The following MTDH variants were observed in gnomAD, a reference collection of about 807,000 sequenced individuals.
The protein encoded by MTDH is protein LYRIC.
A neutral mutation model predicts 72.7 loss-of-function variants in MTDH; 34 were observed. That is an observed-to-expected ratio of 0.47 (90% CI 0.36 to 0.62). The LOEUF (loss-of-function observed/expected upper bound fraction) is 0.62. Among genes scored for constraint, MTDH ranks in the 20% least tolerant of loss-of-function variants. The pLI, the probability that MTDH is intolerant of heterozygous loss-of-function variation, is 0.00. For synonymous variants in MTDH, 266 were observed against 268.9 expected (o/e 0.99, Z 0.10); for missense variants, 677 against 699.4 (o/e 0.97, Z 0.36).
intron 2 of MTDH, among the ~76,000 whole-genome samples, chr8:97,670,747 C>T (rs1207768738): frequency 6.6e-6 from 1 of 152,120 alleles, no homozygotes; most frequent in Non-Finnish European, 1.5e-5. Context: ...TCTCAGGAGG[C>T]CTCTGGGAGC....
Position 97,719,154 on chromosome 8 carries a change from A to G in MTDH, c.1486A>G (p.Ser496Gly), listed in dbSNP as rs1312492052. Residue 496 changes from serine (S) to glycine (G), a missense_variant, in exon 10 of 12, where the codon AGT (serine) becomes GGT (glycine). Ser to Gly is a moderately conservative substitution (Grantham distance 56). Around this residue, in one of 3 missense-constraint regions of MTDH, gnomAD observed 201 missense variants for 204.5 expected, o/e 0.98. Transcript: ENST00000336273. ...TTTTTCCTTGAAGACCATAAGCACT[A>G]GTGATCCAGCCGAAGTACTCGTCAA... ...KAFSLKTIST[S>G]DPAEVLVKNS... The G allele has an allele frequency of 6.2e-7, 1 of 1,613,702 alleles. No homozygotes were observed. The highest frequency in any genetic ancestry group is 8.5e-7 in the Non-Finnish European group (1 of 1,179,958).
intron 8 of MTDH, among the ~76,000 whole-genome samples, chr8:97,708,649 G>C (rs1470867450): frequency 1.7e-5 from 2 of 116,250 alleles, no homozygotes; most frequent in Non-Finnish European, 3.2e-5. Flanking sequence ...TCCCAGGCTG[G>C]AGTGCAGTGG....
chr8:97,653,655 A>G (rs899608294), intron 1 of MTDH, among the ~76,000 whole-genome samples: 2 of 152,222 alleles, frequency 1.3e-5, no homozygotes, highest in African/African-American at 2.4e-5. Flanking sequence ...GTGCTTTGGC[A>G]TTACTGGTTA....
chr8:97,717,124 T>C (rs1430101804), intron 9 of MTDH, among the ~76,000 whole-genome samples: 2 of 152,214 alleles, frequency 1.3e-5, no homozygotes, highest in African/African-American at 4.8e-5. Context: ...TTCACCCACA[T>C]ACTTCCAAAG....
At chr8:97,707,408 C>T (rs147916579) in intron 8 of MTDH, among the ~76,000 whole-genome samples, 1 of 150,936 alleles carries the variant, frequency 6.6e-6, no homozygotes, top group Non-Finnish European at 1.5e-5. Flanking sequence ...CCTCAGCCCC[C>T]CAAAGTGCTG....
At chr8:97,645,018 A>T in intron 1 of MTDH, 131 bp downstream of exon 1, 1 of 1,033,650 alleles carries the variant, frequency 9.7e-7, no homozygotes, top group Non-Finnish European at 1.3e-6. Context: ...CAGCACTCCC[A>T]AGTGGAGGAG....
chr8:97,721,218 G>T lies in MTDH; in HGVS notation c.1522-1661G>T, dbSNP rs376320055. Among the ~76,000 whole-genome samples, 355 of 152,182 alleles carry T rather than the reference G, an allele frequency of 2.3e-3. 16 individuals are homozygous for T. In the South Asian group the frequency reaches 0.071, roughly 31 times the overall value. On this transcript the variant is annotated intron_variant, in intron 10 of 11. Transcript: ENST00000336273. ...GCACTTTGGGAGGTTGAGATGGGTA[G>T]ATCACTTGAGCTCAGGAGTTCAAGA... is the stretch of plus-strand genomic sequence containing the variant.
In MTDH at chr8:97,671,159, G is replaced by T. The variant is rs1004791757; in HGVS notation, c.483+9986G>T. Among the ~76,000 whole-genome samples the T allele has an allele frequency of 9.9e-5, 15 of 152,154 alleles. No homozygotes were observed. In the South Asian group the frequency reaches 3.1e-3, roughly 32 times the overall value. ...TTTTTGTATTTTTAGTAGAGACGGG[G>T]TTTCACCTTGTTGGCCAGGCTGGTC... On this transcript the variant is annotated intron_variant, in intron 2 of 11. Coordinates refer to ENST00000336273, the MANE Select transcript of MTDH (RefSeq NM_178812.4).
intron 6 of MTDH, among the ~76,000 whole-genome samples, chr8:97,691,681 C>T (rs1813611504): frequency 6.6e-6 from 1 of 150,828 alleles, no homozygotes; most frequent in Non-Finnish European, 1.5e-5. Flanking sequence ...TTAAAAGCAG[C>T]TTAATTTGTG....
intron 1 of MTDH, among the ~76,000 whole-genome samples, chr8:97,650,708 A>G (rs1408821233): frequency 6.6e-6 from 1 of 152,076 alleles, no homozygotes; most frequent in Non-Finnish European, 1.5e-5. Flanking sequence ...AGTGGAAACT[A>G]TGGAATTGCC....
intron 9 of MTDH, among the ~76,000 whole-genome samples, chr8:97,715,141 T>C (rs1488104012): frequency 7.0e-6 from 1 of 143,514 alleles, no homozygotes; most frequent in East Asian, 2.1e-4. Context: ...TATTTATTTA[T>C]TTTTGAGACA....
Position 97,644,714 on chromosome 8 carries a change from G to T in MTDH, c.208G>T (p.Gly70Cys). The change falls in exon 1 of 12, where the codon GGC becomes TGC. Residue 70 changes from glycine (G) to cysteine (C), a missense_variant. This residue lies in a region of MTDH where 467 missense variants were observed against 469.1 expected (regional missense o/e 1.00). Coordinates refer to ENST00000336273, the MANE Select transcript of MTDH (RefSeq NM_178812.4). ...GCTGCTGCTGTTTCTGCTGGGCTAC[G>T]GCTGGGCCGCGGCTTGCGCCGGCGC... ...GLLLLFLLGY[G>C]WAAACAGARK... 1 of 1,591,798 alleles carries T rather than the reference G, an allele frequency of 6.3e-7. No homozygotes were observed. Among genetic ancestry groups the T allele is most frequent in the South Asian group, 1.1e-5 (1 of 89,312 alleles).
chr8:97,713,943 T>G (rs1204953637), intron 9 of MTDH, among the ~76,000 whole-genome samples, 174 bp downstream of exon 9: 1 of 152,246 alleles, frequency 6.6e-6, no homozygotes, highest in Non-Finnish European at 1.5e-5. Flanking sequence ...AAAAATGTTA[T>G]TGCTCAAAAA....
chr8:97,682,249 TA>T (rs1813136568), intron 2 of MTDH, among the ~76,000 whole-genome samples: 5 of 5,940 alleles, frequency 8.4e-4, no homozygotes, highest in East Asian at 4.2e-3. Flanking sequence ...TATATATATA[TA>T]TATATATATA....
chr8:97,694,585 T>C (rs1010652870), intron 6 of MTDH, among the ~76,000 whole-genome samples: 2 of 152,142 alleles, frequency 1.3e-5, no homozygotes, highest in Admixed American at 6.5e-5. Context: ...TCCTCCCCAT[T>C]ATATTGAAAA....
In MTDH at chr8:97,725,403, G is replaced by A. The variant is rs1173232876; in HGVS notation, c.*733G>A. The A allele has an allele frequency of 3.3e-5, 5 of 152,518 alleles. No individual in the cohort carries two copies. Among genetic ancestry groups the A allele is most frequent in the Non-Finnish European group, 5.9e-5 (4 of 68,020 alleles). 9.4% of individuals were successfully genotyped at this position (152,518 alleles called of 1,614,324 possible). ...ATTTGTTTTATACATTTAAGGCTTA[G>A]ACTCATAAATAATGCTATTGTTTAT... On this transcript the variant is annotated 3_prime_UTR_variant, in exon 12 of 12. Transcript: ENST00000336273.
At position 97,706,633 on chromosome 8, in the gene MTDH, G is replaced by T. The variant is rs1196571380; in HGVS notation, c.1155G>T (p.Leu385=). 1 of 1,608,476 alleles carries T rather than the reference G, an allele frequency of 6.2e-7. No individual in the cohort carries two copies. The highest frequency in any genetic ancestry group is 8.5e-7 in the Non-Finnish European group (1 of 1,177,842). Reference sequence around the variant, plus strand: ...CACACTGTTAAATTTTAGATGGTCTGTCTTCTGCTGATCCCAACTCTGATT... The same window carrying T: ...CACACTGTTAAATTTTAGATGGTCTTTCTTCTGCTGATCCCAACTCTGATT... ...IDDEWSGLNG[L]SSADPNSDWN... The change falls in exon 8 of 12, where the codon CTG becomes CTT. Residue 385 remains leucine, a synonymous_variant. Transcript: ENST00000336273.
chr8:97,691,520 G>A (rs1813607095), intron 6 of MTDH, among the ~76,000 whole-genome samples: 1 of 152,094 alleles, frequency 6.6e-6, no homozygotes, highest in African/African-American at 2.4e-5. Context: ...ATTCTGTTGA[G>A]TCTAAATAAA....
At chr8:97,681,527 CTT>C (rs1813074403) in intron 2 of MTDH, among the ~76,000 whole-genome samples, 2 of 118,830 alleles carry the variant, frequency 1.7e-5, no homozygotes, top group Non-Finnish European at 3.3e-5. Context: ...GAATTTCGCT[CTT>C]GTTACCCAGT....
Sources: gnomAD v4.1 joint callset for allele counts (sites outside exome capture counted in the v4.1 genomes callset) on GRCh38, gnomAD v4.1.1 for gene constraint, gnomAD v4.1.1 regional missense constraint, MANE v1.5 for transcripts, NCBI Gene and HGNC (gene_info 2026-07-23, HGNC 2026-07-21) for gene names.